The following SLC24A2 variants were observed in gnomAD, a reference collection of about 807,000 sequenced individuals.
SLC24A2 encodes the protein solute carrier family 24 member 2.
Under a neutral mutation model 62.0 loss-of-function variants are expected in SLC24A2, and 36 were observed. The ratio of observed to expected loss-of-function variants is 0.58; its 90% CI spans 0.44 to 0.77. The LOEUF is 0.77. Ranked by LOEUF, SLC24A2 falls within the 30% of genes least tolerant of loss-of-function variation. The pLI is 0.00. For missense variants in SLC24A2, 846 were observed against 817.9 expected (o/e 1.03, Z -0.42); for synonymous variants, 358 against 294.0 (o/e 1.22, Z -2.23).
chr9:20,083,942 G>A, the SLC24A2 span, among the ~76,000 whole-genome samples: 40 of 152,314 alleles, frequency 2.6e-4, no homozygotes, highest in East Asian at 7.5e-3. Flanking sequence ...CTGAGCCAAA[G>A]TAATTTCTTT....
chr9:19,677,618 T>C (rs769168520), intron 2 of SLC24A2, among the ~76,000 whole-genome samples: 11 of 152,118 alleles, frequency 7.2e-5, no homozygotes, highest in Non-Finnish European at 1.5e-4. Context: ...CAAATTAAAC[T>C]GAATAAAACC....
At chr9:19,804,718 G>C in the SLC24A2 span, among the ~76,000 whole-genome samples, 84 of 152,220 alleles carry the variant, frequency 5.5e-4, no homozygotes, top group Non-Finnish European at 9.3e-4. Context: ...ATCTCAGGGG[G>C]AAGGCATTCA....
At chr9:19,914,966 G>A in the SLC24A2 span, among the ~76,000 whole-genome samples, 16 of 152,034 alleles carry the variant, frequency 1.1e-4, no homozygotes, top group African/African-American at 2.7e-4. Flanking sequence ...TGATATAAAA[G>A]TCACCATTTT....
the SLC24A2 span, among the ~76,000 whole-genome samples, chr9:20,096,800 A>G: frequency 1.3e-5 from 2 of 151,906 alleles, no homozygotes; most frequent in Non-Finnish European, 2.9e-5. Flanking sequence ...ATTCTTTACA[A>G]ATTTTTTTGT....
chr9:20,139,305 T>C, the SLC24A2 span, among the ~76,000 whole-genome samples: 1 of 152,204 alleles, frequency 6.6e-6, no homozygotes, highest in African/African-American at 2.4e-5. Context: ...CTGTGAGTCC[T>C]CAGGCAAGTC....
chr9:20,113,006 G>A, the SLC24A2 span, among the ~76,000 whole-genome samples: 2 of 152,078 alleles, frequency 1.3e-5, no homozygotes, highest in African/African-American at 4.8e-5. Context: ...TCAACTTGTG[G>A]CTCTATTACA....
At chr9:19,938,834 C>T in the SLC24A2 span, among the ~76,000 whole-genome samples, 4 of 152,072 alleles carry the variant, frequency 2.6e-5, no homozygotes, top group Non-Finnish European at 5.9e-5. Context: ...CATTTTGCTC[C>T]GCACATTTTA....
At chr9:19,636,315 T>TTTTCCTTTCTTTCTTTTCC (rs1564009647) in intron 2 of SLC24A2, among the ~76,000 whole-genome samples, 1 of 40,328 alleles carries the variant, frequency 2.5e-5, no homozygotes, top group Non-Finnish European at 4.7e-5. Flanking sequence ...TTTTCTTTTC[T>TTTTCCTTTCTTTCTTTTCC]TTTCTTTCTT....
the SLC24A2 span, among the ~76,000 whole-genome samples, chr9:19,944,082 T>C: frequency 6.6e-6 from 1 of 152,086 alleles, no homozygotes; most frequent in Admixed American, 6.6e-5. Flanking sequence ...GACATAAAGA[T>C]GGCAACAACA....
At chr9:20,179,253 C>A in the SLC24A2 span, among the ~76,000 whole-genome samples, 3 of 152,130 alleles carry the variant, frequency 2.0e-5, no homozygotes, top group Non-Finnish European at 4.4e-5. Flanking sequence ...TATTGCCCTT[C>A]AGTACAGAAC....
rs1276332752 is a variant in SLC24A2 at position 19,674,542 on chromosome 9, A to ATTT, written c.931-52244_931-52243insAAA. ...GTTAACATAATCCCAAACTTCTTGG[A>ATTT]GGCTTTGTTCATTTTTTTAAAAAAT... On this transcript the variant is annotated intron_variant, in intron 2 of 10. Transcript: ENST00000341998. 5.9e-5 allele frequency among the ~76,000 whole-genome samples: 9 copies of ATTT among 152,214 alleles called. 1 individual carries two copies. In the South Asian group the frequency reaches 1.9e-3, roughly 32 times the overall value.
At chr9:19,747,726 T>C (rs1821875283) in intron 2 of SLC24A2, among the ~76,000 whole-genome samples, 2 of 152,134 alleles carry the variant, frequency 1.3e-5, no homozygotes, top group Non-Finnish European at 2.9e-5. Flanking sequence ...CAAATGCAAA[T>C]GTGTCACCAT....
chr9:19,829,501 G>C, the SLC24A2 span, among the ~76,000 whole-genome samples: 1 of 151,960 alleles, frequency 6.6e-6, no homozygotes, highest in South Asian at 2.1e-4. Flanking sequence ...AACCTAAAAA[G>C]CTCTTTAATT....
chr9:19,717,554 A>G (rs1035086884), intron 2 of SLC24A2, among the ~76,000 whole-genome samples: 11 of 152,212 alleles, frequency 7.2e-5, no homozygotes, highest in African/African-American at 1.9e-4. Context: ...CAACCAAAAA[A>G]TCCTATTGAT....
chr9:20,216,951 G>C, the SLC24A2 span, among the ~76,000 whole-genome samples: 1 of 152,138 alleles, frequency 6.6e-6, no homozygotes, highest in South Asian at 2.1e-4. Context: ...GGAATTTGGA[G>C]AAGGTTTGTC....
At chr9:20,135,176 G>A in the SLC24A2 span, among the ~76,000 whole-genome samples, 1 of 152,012 alleles carries the variant, frequency 6.6e-6, no homozygotes, top group Non-Finnish European at 1.5e-5. Flanking sequence ...AATCCTTTTG[G>A]AAACTGATTT....
chr9:19,565,132 G>A (rs991142731), intron 7 of SLC24A2, among the ~76,000 whole-genome samples: 3 of 152,054 alleles, frequency 2.0e-5, no homozygotes, highest in Non-Finnish European at 4.4e-5. Flanking sequence ...GCAGGAGAAA[G>A]AAATAAAGGT....
chr9:19,594,463 GA>G (rs1401308644), intron 5 of SLC24A2, among the ~76,000 whole-genome samples: 2 of 151,956 alleles, frequency 1.3e-5, no homozygotes, highest in African/African-American at 4.8e-5. Context: ...TCCACTTAGG[GA>G]AAAAACAAAA....
At chr9:20,210,687 G>C in the SLC24A2 span, among the ~76,000 whole-genome samples, 3 of 108,896 alleles carry the variant, frequency 2.8e-5, no homozygotes, top group Admixed American at 3.4e-4. Context: ...TGTATTTTTA[G>C]TAGAGACGGG....
Sources: allele counts gnomAD v4.1 joint callset (sites outside exome capture counted in the v4.1 genomes callset), GRCh38; gene constraint gnomAD v4.1.1; transcripts MANE v1.5; gene names NCBI Gene and HGNC (gene_info 2026-07-23, HGNC 2026-07-21).